CENPE: variants seen among roughly 807,000 people sequenced by gnomAD.
CENPE encodes centromere protein E, also known as centromere-associated protein E.
Under a neutral mutation model 336.1 loss-of-function variants are expected in CENPE, and 145 were observed. The ratio of observed to expected loss-of-function variants is 0.43; its 90% CI spans 0.38 to 0.50. The LOEUF is 0.50. CENPE is among the 20% of genes least tolerant of loss of function. The pLI, the probability that CENPE is intolerant of heterozygous loss-of-function variation, is 0.00. For missense variants in CENPE, 2,719 were observed against 3,023.3 expected (o/e 0.90, Z 2.36); for synonymous variants, 1,013 against 984.8 (o/e 1.03, Z -0.54).
rs147007503 is a variant in CENPE at position 103,147,528 on chromosome 4, G to A, written c.3962C>T (p.Thr1321Ile). The A allele has an allele frequency of 1.1e-5, 18 of 1,613,844 alleles. No individual in the cohort carries two copies. The highest frequency in any genetic ancestry group is 2.7e-5 in the African/African-American group (2 of 74,852). Reference sequence around the variant, plus strand: ...TTCCATTTCTATTCTTGCCAGTGTTGTTGAGTCCTTGGTTGTGGACTGTTC... The same window carrying A: ...TTCCATTTCTATTCTTGCCAGTGTTATTGAGTCCTTGGTTGTGGACTGTTC... ...LTEQSTTKDS[T>I]TLARIEMERL... The change falls in exon 29 of 49, where the codon ACA (threonine) becomes ATA (isoleucine). Residue 1321 changes from threonine to isoleucine, a missense_variant. Thr to Ile is a moderately conservative substitution (Grantham distance 89, BLOSUM62 -1). Around this residue, in one of 5 missense-constraint regions of CENPE, gnomAD observed 2,437 missense variants for 2,513.3 expected, o/e 0.97. Transcript: ENST00000265148.
chr4:103,155,225 A>G (rs1303787290), intron 24 of CENPE, among the ~76,000 whole-genome samples: 2 of 152,116 alleles, frequency 1.3e-5, no homozygotes, highest in Non-Finnish European at 2.9e-5. Flanking sequence ...TGCATTTTGG[A>G]TTTGTTTAAA....
intron 13 of CENPE, among the ~76,000 whole-genome samples, chr4:103,179,114 G>C (rs1213721211): frequency 6.6e-6 from 1 of 152,150 alleles, no homozygotes; most frequent in African/African-American, 2.4e-5. Context: ...TTGCTTGCAA[G>C]TCATTCCGGA....
At position 103,160,657 on chromosome 4, in the gene CENPE, A is replaced by G. The variant is rs1754365062; in HGVS notation, c.2254T>C (p.Leu752=). 6.2e-7 allele frequency: 1 copy of G among 1,610,624 alleles called. No individual in the cohort carries two copies. The highest frequency in any genetic ancestry group is 8.5e-7 in the Non-Finnish European group (1 of 1,178,378). Residue 752 remains leucine, a synonymous_variant, in exon 21 of 49, where the codon TTA becomes CTA. Coordinates refer to ENST00000265148, the MANE Select transcript of CENPE (RefSeq NM_001813.3). The part of the protein sequence containing the change: ...EVILLSELKS[L]PSEVERLRKE... ...CTCAGCCTTTCTACTTCAGAAGGTA[A>G]AGATTTCAATTCTGAAAGCAAAATG...
At position 103,106,211 on chromosome 4, in the gene CENPE, C is replaced by CA; in HGVS notation, c.*10dup. Reference sequence around the variant, plus strand: ...GAATGCTGGATCTCCAGAGAAGTGACAAAGAGGAGTCTACTGAGTTTTGCA... The same window carrying CA: ...GAATGCTGGATCTCCAGAGAAGTGACAAAAGAGGAGTCTACTGAGTTTTGCA... On this transcript the variant is annotated 3_prime_UTR_variant, in exon 49 of 49. Transcript: ENST00000265148. 6.5e-7 allele frequency: 1 copy of CA among 1,533,012 alleles called. No homozygotes were observed. Among genetic ancestry groups the CA allele is most frequent in the Non-Finnish European group, 8.8e-7 (1 of 1,131,004 alleles). The allele number at this position is 1,533,012 out of a possible 1,614,324, so 95.0% of individuals were successfully genotyped here. A position where few individuals can be genotyped will look rare whatever the true frequency, so the allele number is the denominator to read the frequency against.
rs116756114 is a variant in CENPE at position 103,160,431 on chromosome 4, T to C, written c.2286+194A>G. ...CTGTTAAATACACCTTGAAAAAATA[T>C]ATTTTTTAATCTAGTAGCATAAGAA... On this transcript the variant is annotated intron_variant, in intron 21 of 48. Transcript: ENST00000265148. Among the ~76,000 whole-genome samples the C allele has an allele frequency of 4.6e-3, 706 of 152,064 alleles. 4 individuals are homozygous for C. Among genetic ancestry groups the C allele is most frequent in the African/African-American group, 0.015 (644 of 41,552 alleles).
intron 16 of CENPE, among the ~76,000 whole-genome samples, chr4:103,169,639 T>C (rs531815099): frequency 9.2e-5 from 14 of 152,166 alleles, no homozygotes; most frequent in African/African-American, 3.4e-4. Context: ...AGGAAACAGA[T>C]GCTGGAGAGG....
chr4:103,144,218 G>A lies in CENPE; in HGVS notation c.5145+113C>T, dbSNP rs550974781. ...CCCAAAGTGCTGGGATTACCGGCTC[G>A]AGCCACCGCGCCCGGCCTGGACCAA... On this transcript the variant is annotated intron_variant, in intron 33 of 48. Transcript: ENST00000265148. The A allele has an allele frequency of 1.6e-3, 1,373 of 835,464 alleles. 2 individuals carry two copies. Among genetic ancestry groups the A allele is most frequent in the Admixed American group, 3.4e-3 (111 of 32,442 alleles). 51.8% of individuals were successfully genotyped at this position (835,464 alleles called of 1,614,324 possible). A position where few individuals can be genotyped will look rare whatever the true frequency, so the allele number is the denominator to read the frequency against.
At chr4:103,134,750 A>G (rs1467701342) in intron 40 of CENPE, among the ~76,000 whole-genome samples, 1 of 151,918 alleles carries the variant, frequency 6.6e-6, no homozygotes, top group African/African-American at 2.4e-5. Context: ...ATAATTCTAG[A>G]TGTCTGATTA....
In CENPE at chr4:103,133,719, G is replaced by T; in HGVS notation, c.6696C>A (p.Asn2232Lys). The change falls in exon 41 of 49, where the codon AAC becomes AAA. Residue 2232 changes from asparagine to lysine, a missense_variant. Transcript: ENST00000265148. ...CCTCAATATGTAGATCCATATTCTG[G>T]TTCAATTTGAGATCCCTTAATTCTC... ...PSRELRDLKLNQNMDLHIEEI... is the reference protein window; with the variant it reads ...PSRELRDLKLKQNMDLHIEEI... The T allele has an allele frequency of 6.2e-7, 1 of 1,604,418 alleles. No individual in the cohort carries two copies. The highest frequency in any genetic ancestry group is 8.5e-7 in the Non-Finnish European group (1 of 1,174,820).
Position 103,105,859 on chromosome 4 carries a change from T to C in CENPE, c.*363A>G, listed in dbSNP as rs1748856401. On this transcript the variant is annotated 3_prime_UTR_variant, in exon 49 of 49. Transcript: ENST00000265148. ...GAATGTGTAAGGTATTAAAAACATTTACAATTTTGTTAATAAAATGATGTT... is the reference window on the plus strand; with the variant it reads ...GAATGTGTAAGGTATTAAAAACATTCACAATTTTGTTAATAAAATGATGTT... The C allele has an allele frequency of 6.4e-6, 1 of 155,506 alleles. No individual in the cohort carries two copies. The highest frequency in any genetic ancestry group is 1.4e-5 in the Non-Finnish European group (1 of 70,244). 9.6% of individuals were successfully genotyped at this position (155,506 alleles called of 1,614,324 possible). A position where few individuals can be genotyped will look rare whatever the true frequency, so the allele number is the denominator to read the frequency against.
chr4:103,143,545 T>C lies in CENPE; in HGVS notation c.5146-139A>G. On this transcript the variant is annotated intron_variant, in intron 33 of 48. Transcript: ENST00000265148. The stretch of plus-strand genomic sequence containing the variant: ...TCTCACCCTCTAAGCTACTTTTAGA[T>C]GTCAATACATTCTAGATACACTATT... 7 of 629,678 alleles carry C rather than the reference T, an allele frequency of 1.1e-5. No individual in the cohort carries two copies. In the South Asian group the frequency reaches 1.2e-4, roughly 11 times the overall value. The allele number at this position is 629,678 out of a possible 1,614,324, so 39.0% of individuals were successfully genotyped here.
intron 42 of CENPE, among the ~76,000 whole-genome samples, chr4:103,132,181 G>C (rs894079580): frequency 6.6e-6 from 1 of 152,090 alleles, no homozygotes; most frequent in Non-Finnish European, 1.5e-5. Flanking sequence ...TGTTGATAGG[G>C]GAGATTGTGT....
chr4:103,194,162 A>T (rs1369603362), intron 8 of CENPE, 67 bp downstream of exon 8: 2 of 1,203,262 alleles, frequency 1.7e-6, no homozygotes, highest in African/African-American at 1.5e-5. Context: ...TAAACCAAAC[A>T]TCCAGCAACT....
intron 12 of CENPE, 137 bp from the exon 13 acceptor site, chr4:103,180,606 C>T: frequency 3.5e-6 from 2 of 570,604 alleles, no homozygotes; most frequent in Non-Finnish European, 5.8e-6. Context: ...AAAATATACT[C>T]TAACTGTAGA....
At chr4:103,116,152 A>G (rs185680079) in intron 45 of CENPE, among the ~76,000 whole-genome samples, 1 of 152,242 alleles carries the variant, frequency 6.6e-6, no homozygotes, top group East Asian at 1.9e-4. Flanking sequence ...GCCCTAGGGA[A>G]CTATAAACTA....
intron 1 of CENPE, among the ~76,000 whole-genome samples, chr4:103,197,888 G>T (rs774558402): frequency 2.6e-5 from 4 of 152,156 alleles, no homozygotes; most frequent in Non-Finnish European, 5.9e-5. Flanking sequence ...GTCTTCAGAG[G>T]GTCTGGAGAC....
chr4:103,137,394 T>C (rs1014150633), intron 39 of CENPE, among the ~76,000 whole-genome samples: 4 of 152,082 alleles, frequency 2.6e-5, no homozygotes, highest in African/African-American at 9.7e-5. Flanking sequence ...AATCATGTAG[T>C]AGGTAACATG....
rs948456467 is a variant in CENPE, at chr4:103,136,334, A to C, written c.6329T>G (p.Met2110Arg). The change falls in exon 40 of 49, where the codon ATG becomes AGG. Residue 2110 changes from methionine (M) to arginine (R), a missense_variant. Physicochemically the swap from Met to Arg is moderately conservative, Grantham distance 91. Around this residue, in one of 5 missense-constraint regions of CENPE, gnomAD observed 2,437 missense variants for 2,513.3 expected, o/e 0.97. Transcript: ENST00000265148. ...IKELLKRYSEMDDHYECLNRL... is the reference protein window; with the variant it reads ...IKELLKRYSERDDHYECLNRL... The stretch of plus-strand genomic sequence containing the variant: ...ATTCAAGCACTCATAATGATCATCC[A>C]TCTCTGAGTATCTCTTCAAAAGCTC... 4 of 1,609,790 alleles carry C rather than the reference A, an allele frequency of 2.5e-6. No homozygotes were observed. Among genetic ancestry groups the C allele is most frequent in the Non-Finnish European group, 3.4e-6 (4 of 1,178,568 alleles).
chr4:103,183,323 G>C (rs1756480345), intron 9 of CENPE, 35 bp from the exon 10 acceptor site: 6 of 1,525,906 alleles, frequency 3.9e-6, no homozygotes, highest in African/African-American at 1.4e-5. Context: ...AACTAAACTT[G>C]ACTCCTTTTC....
Sources: allele counts gnomAD v4.1 joint callset (sites outside exome capture counted in the v4.1 genomes callset), GRCh38; gene constraint gnomAD v4.1.1; regional missense constraint gnomAD v4.1.1; transcripts MANE v1.5; gene names NCBI Gene and HGNC (gene_info 2026-07-23, HGNC 2026-07-21).